Variants in DCDC1 observed in about 807,000 individuals in gnomAD.
DCDC1 encodes the protein doublecortin domain-containing protein 1.
In DCDC1, 200 loss-of-function variants were observed where a neutral mutation model predicts 178.3. The ratio of observed to expected loss-of-function variants is 1.12; its 90% CI spans 1.00 to 1.26. The LOEUF is 1.26. Among genes scored for constraint, DCDC1 ranks in the 50% most tolerant of loss-of-function variants. DCDC1 has a pLI of 0.00. For synonymous variants in DCDC1, 690 were observed against 604.8 expected (o/e 1.14, Z -2.07); for missense variants, 1,983 against 1,749.2 (o/e 1.13, Z -2.38).
chr11:31,023,531 G>A (rs1953028241), intron 20 of DCDC1, among the ~76,000 whole-genome samples: 4 of 151,938 alleles, frequency 2.6e-5, no homozygotes, highest in Admixed American at 2.0e-4. Context: ...CGCAGAAAGA[G>A]AAGATCCAAA....
Position 31,075,971 on chromosome 11 carries a change from TG to T in DCDC1, c.2298+1893del, listed in dbSNP as rs748475337. Reference sequence around the variant, plus strand: ...GCCTCCCGGGTTCAAGTGATTCTCCTGCCTCAGCCTCCCCAGTAGCTGGGAT... The same window carrying T: ...GCCTCCCGGGTTCAAGTGATTCTCCTCCTCAGCCTCCCCAGTAGCTGGGAT... On this transcript the variant is annotated intron_variant, in intron 18 of 38. Transcript: ENST00000684477. 1.1e-3 allele frequency among the ~76,000 whole-genome samples: 160 copies of T among 152,342 alleles called. 1 individual carries two copies. Among genetic ancestry groups the T allele is most frequent in the Non-Finnish European group, 1.3e-3 (88 of 68,024 alleles).
chr11:31,213,129 CT>C (rs1972915263), intron 9 of DCDC1, among the ~76,000 whole-genome samples: 5 of 137,040 alleles, frequency 3.6e-5, no homozygotes, highest in Admixed American at 1.5e-4. Flanking sequence ...CTCTCTCTCT[CT>C]CTCTCTCTCT....
chr11:30,915,027 C>T (rs1289095289), intron 27 of DCDC1, among the ~76,000 whole-genome samples: 5 of 151,912 alleles, frequency 3.3e-5, no homozygotes, highest in African/African-American at 4.8e-5. Flanking sequence ...GATATATTTG[C>T]TAAGATAGGA....
chr11:31,287,400 A>G (rs1946912165), intron 7 of DCDC1, among the ~76,000 whole-genome samples: 1 of 152,014 alleles, frequency 6.6e-6, no homozygotes, highest in African/African-American at 2.4e-5. Context: ...TAAAATAATA[A>G]CAGAAAACCT....
rs532987146 is a variant in DCDC1 at position 31,354,899 on chromosome 11, A to T, written c.-125+14798T>A. ...AGTCTCTGAGAGCTGTGAAATTTTAAAAAAGGTATTTCCTTATTTTTTTTC... is the reference window on the plus strand; with the variant it reads ...AGTCTCTGAGAGCTGTGAAATTTTATAAAAGGTATTTCCTTATTTTTTTTC... On this transcript the variant is annotated intron_variant, in intron 1 of 38. Transcript: ENST00000684477. Among the ~76,000 whole-genome samples, 8 of 152,288 alleles carry T rather than the reference A, an allele frequency of 5.3e-5. No individual in the cohort carries two copies. The East Asian group carries it at 1.4e-3, about 26-fold the overall frequency.
intron 9 of DCDC1, among the ~76,000 whole-genome samples, chr11:31,209,638 G>C (rs1972266346): frequency 6.6e-6 from 1 of 152,210 alleles, no homozygotes; most frequent in Non-Finnish European, 1.5e-5. Flanking sequence ...ATTTCAGCCA[G>C]AGCTGATTGA....
chr11:31,115,981 T>TTGGGGGGGG (rs1555066669), intron 11 of DCDC1, among the ~76,000 whole-genome samples: 4 of 38,092 alleles, frequency 1.1e-4, no homozygotes, highest in African/African-American at 2.6e-4. Flanking sequence ...GCTGTGGCAG[T>TTGGGGGGGG]GGGGGGGGGG....
At chr11:30,888,073 AG>A (rs1433520042) in intron 36 of DCDC1, among the ~76,000 whole-genome samples, 2 of 115,560 alleles carry the variant, frequency 1.7e-5, no homozygotes, top group African/African-American at 6.1e-5. Flanking sequence ...AGAGAGAGAG[AG>A]AGAGAGAGAG....
intron 32 of DCDC1, among the ~76,000 whole-genome samples, chr11:30,900,906 C>CTT: frequency 6.6e-6 from 1 of 152,010 alleles, no homozygotes; most frequent in Admixed American, 6.6e-5. Flanking sequence ...TCTGCTGTTT[C>CTT]TTTTTTTAAA....
At chr11:30,980,091 A>G (rs981839788) in intron 20 of DCDC1, among the ~76,000 whole-genome samples, 39 of 152,188 alleles carry the variant, frequency 2.6e-4, no homozygotes, top group African/African-American at 9.4e-4. Context: ...AAGAAATGGT[A>G]TCTATTTCTA....
At chr11:30,972,799 C>T (rs1487798639) in intron 20 of DCDC1, among the ~76,000 whole-genome samples, 1 of 152,092 alleles carries the variant, frequency 6.6e-6, no homozygotes, top group Non-Finnish European at 1.5e-5. Flanking sequence ...CACTATGTGG[C>T]TGATATGGTT....
chr11:31,117,342 T>C (rs953116195), intron 11 of DCDC1, among the ~76,000 whole-genome samples: 2 of 151,838 alleles, frequency 1.3e-5, no homozygotes, highest in Non-Finnish European at 1.5e-5. Context: ...TTTTATCTAT[T>C]TTACATAGTA....
chr11:31,151,397 T>C (rs1000654276), intron 9 of DCDC1, among the ~76,000 whole-genome samples: 4 of 152,170 alleles, frequency 2.6e-5, no homozygotes, highest in Non-Finnish European at 5.9e-5. Context: ...ACAAATTACA[T>C]TTGGAGCCTT....
intron 36 of DCDC1, among the ~76,000 whole-genome samples, chr11:30,887,529 G>A (rs1236157578): frequency 6.6e-6 from 1 of 152,152 alleles, no homozygotes; most frequent in Non-Finnish European, 1.5e-5. Flanking sequence ...CAAATATGTT[G>A]GCATTGAAGT....
chr11:31,108,422 C>G (rs1190905394), intron 12 of DCDC1, among the ~76,000 whole-genome samples: 1 of 152,164 alleles, frequency 6.6e-6, no homozygotes, highest in Non-Finnish European at 1.5e-5. Flanking sequence ...TAAAGCCCTA[C>G]ATTTATTTTT....
chr11:31,156,033 C>T (rs761465618), intron 9 of DCDC1: 4 of 152,118 alleles, frequency 2.6e-5, no homozygotes, highest in Non-Finnish European at 4.4e-5. Flanking sequence ...TCTTGCCCAG[C>T]CCATTTGGGT....
intron 20 of DCDC1, among the ~76,000 whole-genome samples, chr11:31,044,384 G>A (rs1019513140): frequency 4.0e-5 from 6 of 150,996 alleles, no homozygotes; most frequent in African/African-American, 1.2e-4. Context: ...GGCTGAGGCA[G>A]GAGAATGGGC....
intron 36 of DCDC1, among the ~76,000 whole-genome samples, chr11:30,889,191 G>T (rs904733432): frequency 2.0e-5 from 3 of 152,194 alleles, no homozygotes; most frequent in Admixed American, 6.5e-5. Context: ...AGAGAAAGAT[G>T]CTGGTCCTGC....
At chr11:30,890,061 C>T (rs987633728) in intron 36 of DCDC1, among the ~76,000 whole-genome samples, 1 of 152,092 alleles carries the variant, frequency 6.6e-6, no homozygotes. Flanking sequence ...TATGTGTGAA[C>T]ACAGCAAGAA....
Sources: allele counts gnomAD v4.1 joint callset (sites outside exome capture counted in the v4.1 genomes callset), GRCh38; gene constraint gnomAD v4.1.1; transcripts MANE v1.5; gene names NCBI Gene and HGNC (gene_info 2026-07-23, HGNC 2026-07-21).